Variants in NUGGC observed in about 807,000 individuals in gnomAD.
NUGGC encodes the protein nuclear GTPase SLIP-GC.
A neutral mutation model predicts 92.6 loss-of-function variants in NUGGC; 58 were observed. The ratio of observed to expected loss-of-function variants is 0.63; its 90% CI spans 0.51 to 0.78. NUGGC has a LOEUF of 0.78. NUGGC is among the 30% of genes least tolerant of loss of function. The pLI is 0.00. For synonymous variants in NUGGC, 376 were observed against 366.4 expected (o/e 1.03, Z -0.30); for missense variants, 925 against 964.6 (o/e 0.96, Z 0.54).
intron 1 of NUGGC, among the ~76,000 whole-genome samples, chr8:28,078,814 CT>C (rs1185761339): frequency 6.6e-6 from 1 of 152,154 alleles, no homozygotes; most frequent in African/African-American, 2.4e-5. Context: ...ATCCTGCAGT[CT>C]ATTTCCCCCC....
At chr8:28,078,576 A>ACCCTC (rs1810776439) in intron 1 of NUGGC, among the ~76,000 whole-genome samples, 1 of 152,180 alleles carries the variant, frequency 6.6e-6, no homozygotes, top group African/African-American at 2.4e-5. Flanking sequence ...TCCCATGTGT[A>ACCCTC]AGGCAAAGAC....
chr8:28,071,665 G>C (rs892086584), intron 2 of NUGGC, among the ~76,000 whole-genome samples: 1 of 152,064 alleles, frequency 6.6e-6, no homozygotes, highest in Non-Finnish European at 1.5e-5. Context: ...CTAAAGAAGG[G>C]GTATAACCAA....
Position 28,056,030 on chromosome 8 carries a change from C to T in NUGGC, c.1141G>A (p.Ala381Thr). The change falls in exon 10 of 19, where the codon GCT becomes ACT. Residue 381 changes from alanine to threonine, a missense_variant. By Grantham distance (58) the Ala-to-Thr change is moderately conservative. Transcript: ENST00000413272. ...ATCATTTCATTTCTTTCTAAAACAGCCTCTCGCTGACTCTGAATAGCTTGC... is the reference window on the plus strand; with the variant it reads ...ATCATTTCATTTCTTTCTAAAACAGTCTCTCGCTGACTCTGAATAGCTTGC... ...GNQAIQSQRE[A>T]VLERNEMIKL... 1.3e-6 allele frequency: 2 copies of T among 1,565,678 alleles called. No individual in the cohort carries two copies. Among genetic ancestry groups the T allele is most frequent in the Non-Finnish European group, 1.7e-6 (2 of 1,152,118 alleles).
chr8:28,030,402 C>T lies in NUGGC; in HGVS notation c.1925G>A (p.Gly642Glu), dbSNP rs924689487. 3 of 1,568,256 alleles carry T rather than the reference C, an allele frequency of 1.9e-6. No individual in the cohort carries two copies. The highest frequency in any genetic ancestry group is 3.7e-5 in the Admixed American group (2 of 54,066). The change falls in exon 16 of 19, where the codon GGG becomes GAG. Residue 642 changes from glycine (G) to glutamate (E), a missense_variant. By Grantham distance (98) the Gly-to-Glu change is moderately conservative. Coordinates refer to ENST00000413272, the MANE Select transcript of NUGGC (RefSeq NM_001010906.2). ...TCTGAGGATGTGGTCCTCCAGGCCC[C>T]CGAGGATGGCACTTATCTGGGAAGA... ...FLIQEISAIL[G>E]GLEDHILRRK...
chr8:28,070,456 G>T, intron 2 of NUGGC, 100 bp from the exon 3 acceptor site: 3 of 638,810 alleles, frequency 4.7e-6, no homozygotes, highest in East Asian at 2.8e-5. Context: ...TAACAGACTG[G>T]CTGGGTGCAG....
intron 13 of NUGGC, among the ~76,000 whole-genome samples, chr8:28,040,384 G>A (rs1008850749): frequency 6.6e-6 from 1 of 152,120 alleles, no homozygotes; most frequent in African/African-American, 2.4e-5. Flanking sequence ...AGATAGGTAG[G>A]GCAAGCATTG....
chr8:28,059,842 C>T (rs997717255), intron 8 of NUGGC, among the ~76,000 whole-genome samples: 40 of 152,094 alleles, frequency 2.6e-4, no homozygotes, highest in African/African-American at 8.7e-4. Context: ...GCCAACATGG[C>T]GAAACCCCAT....
At chr8:28,054,003 A>G (rs1488418301) in intron 10 of NUGGC, among the ~76,000 whole-genome samples, 1 of 152,246 alleles carries the variant, frequency 6.6e-6, no homozygotes, top group Non-Finnish European at 1.5e-5. Context: ...TATTGAAGGC[A>G]AAATACAGAA....
rs1413007288 is a variant in NUGGC at position 28,045,652 on chromosome 8, T to C, written c.1321A>G (p.Lys441Glu). 6.2e-7 allele frequency: 1 copy of C among 1,609,856 alleles called. No homozygotes were observed. The highest frequency in any genetic ancestry group is 2.2e-5 in the East Asian group (1 of 44,832). ...CTCTTCCTGATGTATTCTCTTAACTTAGGGATTTCTGGAATTCACAGGCAG... is the reference window on the plus strand; with the variant it reads ...CTCTTCCTGATGTATTCTCTTAACTCAGGGATTTCTGGAATTCACAGGCAG... ...LLTEEETEIP[K>E]LREYIRKSLL... The change falls in exon 12 of 19, where the codon AAG (lysine) becomes GAG (glutamate). Residue 441 changes from lysine (K) to glutamate (E), a missense_variant. By Grantham distance (56) the Lys-to-Glu change is moderately conservative. Coordinates refer to ENST00000413272, the MANE Select transcript of NUGGC (RefSeq NM_001010906.2).
intron 13 of NUGGC, among the ~76,000 whole-genome samples, chr8:28,037,102 T>C (rs1809574061): frequency 6.6e-6 from 1 of 152,132 alleles, no homozygotes; most frequent in Non-Finnish European, 1.5e-5. Context: ...CGATTCCTCG[T>C]TTATCCAGCT....
chr8:28,057,330 CTTTTTTT>C (rs57167648), intron 9 of NUGGC, among the ~76,000 whole-genome samples: 2 of 124,042 alleles, frequency 1.6e-5, no homozygotes, highest in Non-Finnish European at 3.3e-5. Context: ...ATTTTCTTTC[CTTTTTTT>C]TTTTTTTTTT....
In NUGGC at chr8:28,064,719, A is replaced by G; in HGVS notation, c.724T>C (p.Ser242Pro). ...CGGATGTAGGGGTCCAGCTTGATGGACAGCTCTTCTGCCTGAAGAAGGAGG... is the reference window on the plus strand; with the variant it reads ...CGGATGTAGGGGTCCAGCTTGATGGGCAGCTCTTCTGCCTGAAGAAGGAGG... ...TLKAEEAEEL[S>P]IKLDPYIRTQ... The change falls in exon 7 of 19, where the codon TCC (serine) becomes CCC (proline). Residue 242 changes from serine to proline, a missense_variant. By Grantham distance (74) the Ser-to-Pro change is moderately conservative (BLOSUM62 -1). Coordinates refer to ENST00000413272, the MANE Select transcript of NUGGC (RefSeq NM_001010906.2). The G allele has an allele frequency of 6.2e-7, 1 of 1,613,904 alleles. No homozygotes were observed. Among genetic ancestry groups the G allele is most frequent in the Non-Finnish European group, 8.5e-7 (1 of 1,179,838 alleles).
chr8:28,062,573 T>C (rs557610824), intron 7 of NUGGC, among the ~76,000 whole-genome samples: 28 of 152,308 alleles, frequency 1.8e-4, no homozygotes, highest in South Asian at 4.2e-4. Context: ...GCCATGATTA[T>C]GCCACTGTAC....
At chr8:28,062,715 C>T (rs1367847562) in intron 7 of NUGGC, among the ~76,000 whole-genome samples, 1 of 152,214 alleles carries the variant, frequency 6.6e-6, no homozygotes, top group Non-Finnish European at 1.5e-5. Flanking sequence ...GGATGCCAGG[C>T]TGGGTGCTCC....
chr8:28,048,538 G>T (rs1473616595), intron 10 of NUGGC, among the ~76,000 whole-genome samples: 1 of 152,134 alleles, frequency 6.6e-6, no homozygotes, highest in East Asian at 1.9e-4. Flanking sequence ...AGTAGTTAGT[G>T]AGTAATCATA....
At chr8:28,043,159 C>T (rs1441551757) in intron 12 of NUGGC, among the ~76,000 whole-genome samples, 1 of 152,186 alleles carries the variant, frequency 6.6e-6, no homozygotes, top group Non-Finnish European at 1.5e-5. Context: ...GGGCATGATT[C>T]TCACAATGCC....
intron 2 of NUGGC, among the ~76,000 whole-genome samples, 155 bp downstream of exon 2, chr8:28,074,213 A>G (rs539608807): frequency 3.2e-4 from 49 of 151,926 alleles, no homozygotes; most frequent in South Asian, 1.0e-3. Flanking sequence ...TCTGATCTTC[A>G]TTCACTATTT....
chr8:28,030,165 G>A (rs1301370943), intron 16 of NUGGC, 145 bp downstream of exon 16: 2 of 616,298 alleles, frequency 3.2e-6, no homozygotes, highest in African/African-American at 3.6e-5. Flanking sequence ...CTGCAGTCAT[G>A]TGGTTGCAAT....
At chr8:28,057,381 G>A (rs1310332836) in intron 9 of NUGGC, among the ~76,000 whole-genome samples, 1 of 122,678 alleles carries the variant, frequency 8.2e-6, no homozygotes, top group Non-Finnish European at 1.6e-5. Context: ...TCTCACTGTT[G>A]CTCAGGCTGG....
Sources: gnomAD v4.1 joint callset for allele counts (sites outside exome capture counted in the v4.1 genomes callset) on GRCh38, gnomAD v4.1.1 for gene constraint, MANE v1.5 for transcripts, NCBI Gene and HGNC (gene_info 2026-07-23, HGNC 2026-07-21) for gene names.